The following CASK variants were observed in gnomAD, a reference collection of about 807,000 sequenced individuals.
The protein encoded by CASK is calcium/calmodulin dependent serine protein kinase, also known as peripheral plasma membrane protein CASK.
In CASK, 4 loss-of-function variants were observed where a neutral mutation model predicts 82.9. The ratio of observed to expected loss-of-function variants is 0.05; its 90% confidence interval spans 0.02 to 0.11. The LOEUF is 0.11. CASK is among the 10% of genes least tolerant of loss of function. CASK has a pLI of 1.00. For synonymous variants in CASK, 259 were observed against 253.5 expected, an observed-to-expected ratio of 1.02 and a Z score of -0.20; for missense variants, 358 against 720.9, an observed-to-expected ratio of 0.50 and a Z score of 5.76.
chrX:41,695,416 A>G (rs2067665218), intron 5 of CASK: 1 of 344,452 alleles, frequency 2.9e-6, no homozygotes, highest in East Asian at 4.2e-5. Flanking sequence ...CCTGGGTTCA[A>G]GCAATCCTTC....
At chrX:41,661,402 T>G (rs1338489680) in intron 7 of CASK, among the ~76,000 whole-genome samples, 1 of 111,438 alleles carries the variant, frequency 9.0e-6, no homozygotes, top group Non-Finnish European at 1.9e-5. Flanking sequence ...GGTGAGTTTA[T>G]GTGAGCTACC....
intron 12 of CASK, among the ~76,000 whole-genome samples, chrX:41,594,043 T>C (rs2065782782): frequency 8.9e-6 from 1 of 111,761 alleles, no homozygotes. Flanking sequence ...CCCCATTCTA[T>C]CATATATAAA....
intron 5 of CASK, among the ~76,000 whole-genome samples, chrX:41,738,716 C>T (rs1456062913): frequency 9.0e-6 from 1 of 111,206 alleles, no homozygotes; most frequent in Admixed American, 9.6e-5. Flanking sequence ...TCAAAGGGAC[C>T]TCAGGGGCTC....
intron 22 of CASK, 42 bp downstream of exon 22, chrX:41,542,649 G>T: frequency 1.2e-6 from 1 of 848,034 alleles, no homozygotes; most frequent in Non-Finnish European, 1.8e-6. Flanking sequence ...AGGTCTTGGA[G>T]ATGCTTAACC....
intron 2 of CASK, among the ~76,000 whole-genome samples, chrX:41,838,551 T>C (rs778786914): frequency 9.0e-6 from 1 of 110,768 alleles, no homozygotes; most frequent in East Asian, 2.9e-4. Flanking sequence ...AGGTCAGGAG[T>C]TTGAGACCAG....
intron 1 of CASK, among the ~76,000 whole-genome samples, chrX:41,876,645 C>T (rs1480238985): frequency 1.8e-5 from 2 of 111,482 alleles, no homozygotes; most frequent in Non-Finnish European, 3.8e-5. Flanking sequence ...TATGTACCCA[C>T]CAAAATGTAT....
At chrX:41,710,534 T>G (rs1182425792) in intron 5 of CASK, among the ~76,000 whole-genome samples, 1 of 111,964 alleles carries the variant, frequency 8.9e-6, no homozygotes, top group Non-Finnish European at 1.9e-5. Flanking sequence ...AAGCCAAAGC[T>G]GAAGGATAGT....
intron 16 of CASK, among the ~76,000 whole-genome samples, chrX:41,563,616 A>G (rs1474163390): frequency 9.0e-6 from 1 of 110,660 alleles, no homozygotes; most frequent in Non-Finnish European, 1.9e-5. Context: ...CAGGGGCATA[A>G]TGACAAAGAT....
intron 1 of CASK, among the ~76,000 whole-genome samples, chrX:41,891,313 A>G (rs2072164862): frequency 1.1e-5 from 1 of 92,158 alleles, no homozygotes; most frequent in African/African-American, 4.0e-5. Flanking sequence ...CAAAACTGCA[A>G]AAGACTGGGT....
Position 41,892,943 on chromosome X carries a change from C to T in CASK, c.59+29987G>A, listed in dbSNP as rs73193152. ...AGCCTGTTGGGAAAGGCAAATTACA[C>T]CAGTGATTATCTGAAGTCCAACAAC... On this transcript the variant is annotated intron_variant, in intron 1 of 26. Coordinates refer to ENST00000378163, the MANE Select transcript of CASK (RefSeq NM_001367721.1). 9.1e-3 allele frequency among the ~76,000 whole-genome samples: 1,013 copies of T among 111,736 alleles called. 9 individuals are homozygous for T. The highest frequency in any genetic ancestry group is 0.015 in the Non-Finnish European group (816 of 53,108).
rs1264327845 is a variant in CASK, at chrX:41,516,901, G to C, written c.*3519C>G. On this transcript the variant is annotated 3_prime_UTR_variant, in exon 27 of 27. Transcript: ENST00000378163. ...CATGACATCAGTGGGGGACAAAAGA[G>C]AGCTGGCTTTGGGCTGCCTTGTTTT... 9.0e-6 allele frequency: 1 copy of C among 111,252 alleles called. No homozygotes were observed. Among genetic ancestry groups the C allele is most frequent in the Non-Finnish European group, 1.9e-5 (1 of 53,016 alleles). 9.2% of individuals were successfully genotyped at this position (111,252 alleles called of 1,213,427 possible).
intron 1 of CASK, among the ~76,000 whole-genome samples, chrX:41,855,105 CT>C (rs1364991174): frequency 1.8e-5 from 2 of 111,796 alleles, no homozygotes; most frequent in Non-Finnish European, 3.8e-5. Context: ...CAATTCTTTA[CT>C]TTTTCCTGCT....
chrX:41,566,423 C>G (rs1456742995), intron 16 of CASK, among the ~76,000 whole-genome samples: 1 of 111,614 alleles, frequency 9.0e-6, no homozygotes, highest in African/African-American at 3.3e-5. Context: ...AAATCACAAG[C>G]ATTCCTATAC....
intron 5 of CASK, chrX:41,726,883 T>C (rs1297610882): frequency 8.5e-6 from 3 of 353,860 alleles, no homozygotes; most frequent in Non-Finnish European, 1.5e-5. Flanking sequence ...ATCCAATACA[T>C]TTTTGTTACT....
At chrX:41,912,280 AGTTTTTTTGTTTGTTTTCT>A (rs1190277333) in intron 1 of CASK, among the ~76,000 whole-genome samples, 3 of 100,772 alleles carry the variant, frequency 3.0e-5, no homozygotes. Flanking sequence ...CTCACTGGAC[AGTTTTTTTGTTTGTTTTCT>A]GTTTTTTTTT....
intron 9 of CASK, 25 bp from the exon 10 acceptor site, chrX:41,626,728 G>A (rs2066384197): frequency 2.1e-6 from 2 of 942,393 alleles, no homozygotes; most frequent in East Asian, 6.1e-5. Flanking sequence ...TGAAAAAATA[G>A]ATTATTAAAA....
chrX:41,549,173 G>T (rs1281007737), intron 21 of CASK, among the ~76,000 whole-genome samples: 1 of 112,089 alleles, frequency 8.9e-6, no homozygotes, highest in Non-Finnish European at 1.9e-5. Context: ...TGAAGAATGT[G>T]ACTTGGTAGC....
At chrX:41,633,149 T>A (rs1259808998) in intron 9 of CASK, among the ~76,000 whole-genome samples, 3 of 110,838 alleles carry the variant, frequency 2.7e-5, no homozygotes, top group Non-Finnish European at 3.8e-5. Flanking sequence ...TCCTCTTAAC[T>A]GAATCACGTG....
At chrX:41,799,448 G>A (rs995965078) in intron 2 of CASK, among the ~76,000 whole-genome samples, 4 of 110,544 alleles carry the variant, frequency 3.6e-5, no homozygotes, top group Non-Finnish European at 5.7e-5. Flanking sequence ...GCTGAGGCAG[G>A]GGACTCGCTT....
Sources: gnomAD v4.1 joint callset for allele counts (sites outside exome capture counted in the v4.1 genomes callset) on GRCh38, gnomAD v4.1.1 for gene constraint, MANE v1.5 for transcripts, NCBI Gene and HGNC (gene_info 2026-07-23, HGNC 2026-07-21) for gene names.